Variants in RREB1 observed in about 807,000 individuals in gnomAD.
RREB1 encodes ras-responsive element-binding protein 1.
Under a neutral mutation model 117.8 loss-of-function variants are expected in RREB1, and 27 were observed. That is an observed-to-expected ratio of 0.23 (90% CI 0.17 to 0.32). The LOEUF (loss-of-function observed/expected upper bound fraction) is 0.32, where lower values mean the gene tolerates loss of function less well. RREB1 is among the 10% of genes least tolerant of loss of function. RREB1 has a pLI of 1.00. For missense variants in RREB1, 2,577 were observed against 2,378.2 expected (o/e 1.08, Z -1.74); for synonymous variants, 1,298 against 1,026.7 (o/e 1.26, Z -5.05).
In RREB1 at chr6:7,231,611, A is replaced by G. The variant is rs774490734; in HGVS notation, c.3512A>G (p.Asp1171Gly). 6.8e-6 allele frequency: 11 copies of G among 1,611,256 alleles called. No homozygotes were observed. In the South Asian group the frequency reaches 1.1e-4, roughly 16 times the overall value. The change falls in exon 10 of 13, where the codon GAC becomes GGC. Residue 1171 changes from aspartate to glycine, a missense_variant. By Grantham distance (94) the Asp-to-Gly change is moderately conservative. Transcript: ENST00000379938. ...CCCCGCGCCAACAGCGGCGGGGTGG[A>G]CCTGGACTCCAGCGGGGAGTTTGCC... ...SRPRANSGGVDLDSSGEFASI... is the reference protein window; with the variant it reads ...SRPRANSGGVGLDSSGEFASI...
At chr6:7,199,964 G>A (rs958267494) in intron 6 of RREB1, among the ~76,000 whole-genome samples, 7 of 152,134 alleles carry the variant, frequency 4.6e-5, no homozygotes, top group Non-Finnish European at 1.0e-4. Context: ...GAGAAAAAGG[G>A]TAGGCAAGTG....
At chr6:7,125,986 T>TC (rs1366552210) in intron 1 of RREB1, among the ~76,000 whole-genome samples, 1 of 134,926 alleles carries the variant, frequency 7.4e-6, no homozygotes, top group Non-Finnish European at 1.7e-5. Flanking sequence ...GAAGGACTGT[T>TC]TTTTGTTTGT....
At chr6:7,166,324 A>ATT (rs1201033780) in intron 1 of RREB1, among the ~76,000 whole-genome samples, 1 of 152,244 alleles carries the variant, frequency 6.6e-6, no homozygotes, top group Admixed American at 6.5e-5. Context: ...AAGAAAACCC[A>ATT]TTTGCTTGCC....
At chr6:7,192,992 A>G (rs755538726) in intron 6 of RREB1, among the ~76,000 whole-genome samples, 41 of 151,990 alleles carry the variant, frequency 2.7e-4, no homozygotes, top group Non-Finnish European at 4.3e-4. Flanking sequence ...TTTCTTTTTC[A>G]TTCATCTCAG....
intron 2 of RREB1, among the ~76,000 whole-genome samples, chr6:7,177,402 CA>C (rs1342423419): frequency 6.6e-6 from 1 of 151,578 alleles, no homozygotes; most frequent in East Asian, 1.9e-4. Context: ...CCTCCAAATC[CA>C]GACCATGTGT....
At chr6:7,186,623 T>C (rs1367532007) in intron 4 of RREB1, among the ~76,000 whole-genome samples, 1 of 152,186 alleles carries the variant, frequency 6.6e-6, no homozygotes, top group Non-Finnish European at 1.5e-5. Flanking sequence ...CCTAGAACTC[T>C]GCATGAATTA....
intron 10 of RREB1, 80 bp from the exon 11 acceptor site, chr6:7,240,358 C>G: frequency 8.2e-7 from 1 of 1,212,366 alleles, no homozygotes; most frequent in Non-Finnish European, 1.2e-6. Flanking sequence ...CCAATGATCC[C>G]AGGAGAATAA....
chr6:7,141,345 TG>T (rs1337996688), intron 1 of RREB1, among the ~76,000 whole-genome samples: 1 of 152,146 alleles, frequency 6.6e-6, no homozygotes, highest in Non-Finnish European at 1.5e-5. Flanking sequence ...GCACGGCCGC[TG>T]GGGACACAAC....
At chr6:7,246,169 G>A (rs1305713549) in intron 11 of RREB1, among the ~76,000 whole-genome samples, 3 of 152,202 alleles carry the variant, frequency 2.0e-5, no homozygotes, top group African/African-American at 7.2e-5. Context: ...GAAGCCAGGG[G>A]TTCAGGGGCA....
intron 8 of RREB1, chr6:7,218,434 G>A (rs1251612341): frequency 4.1e-5 from 5 of 122,330 alleles, no homozygotes; most frequent in Non-Finnish European, 7.8e-5. Flanking sequence ...ACTACTGTTA[G>A]TGAGCACTGG....
At chr6:7,166,039 C>T (rs1462375542) in intron 1 of RREB1, among the ~76,000 whole-genome samples, 1 of 152,198 alleles carries the variant, frequency 6.6e-6, no homozygotes, top group Admixed American at 6.5e-5. Context: ...CCCGCTGGGC[C>T]GTGGAGGGGC....
At chr6:7,209,104 C>T (rs968969559) in intron 6 of RREB1, among the ~76,000 whole-genome samples, 21 of 152,238 alleles carry the variant, frequency 1.4e-4, no homozygotes, top group Admixed American at 2.6e-4. Context: ...TCATAAATCC[C>T]AAGAACAAAA....
chr6:7,142,220 TAA>T (rs34787582), intron 1 of RREB1, among the ~76,000 whole-genome samples: 166 of 140,984 alleles, frequency 1.2e-3, no homozygotes, highest in African/African-American at 3.8e-3. Context: ...CGTCTTAATT[TAA>T]AAAAAAAAAA....
At chr6:7,211,899 C>T (rs1766631650) in intron 8 of RREB1, 190 bp downstream of exon 8, 1 of 612,794 alleles carries the variant, frequency 1.6e-6, no homozygotes, top group Non-Finnish European at 2.9e-6. Flanking sequence ...TGGCTGTATC[C>T]ACAGGGTGTT....
At chr6:7,132,573 C>T (rs903043611) in intron 1 of RREB1, among the ~76,000 whole-genome samples, 5 of 152,226 alleles carry the variant, frequency 3.3e-5, no homozygotes, top group Admixed American at 1.3e-4. Context: ...GGAATGAATG[C>T]GGTAGGGGTT....
chr6:7,115,339 G>T (rs1322889111), intron 1 of RREB1, among the ~76,000 whole-genome samples: 2 of 152,102 alleles, frequency 1.3e-5, no homozygotes, highest in East Asian at 3.9e-4. Flanking sequence ...TAACTGATCT[G>T]ACCCTTGGCC....
At position 7,247,094 on chromosome 6, in the gene RREB1, GA is replaced by G; in HGVS notation, c.4647del (p.Lys1549AsnfsTer34). The G allele has an allele frequency of 6.2e-7, 1 of 1,613,852 alleles. No individual in the cohort carries two copies. Among genetic ancestry groups the G allele is most frequent in the Non-Finnish European group, 8.5e-7 (1 of 1,179,978 alleles). On this transcript the variant is annotated frameshift_variant, in exon 12 of 13. Coordinates refer to ENST00000379938, the MANE Select transcript of RREB1 (RefSeq NM_001003699.4). LOFTEE classifies it high-confidence loss of function. ...RSSEKSDDDKKPKTDSPKSVA... is the reference protein window; with the variant it reads ...RSSEKSDDDKXPKTDSPKSVA... ...CCTCAGAGAAGAGCGACGATGACAA[GA>G]AACCAAAGACAGACTCCCCCAAAAG...
At chr6:7,147,632 T>G (rs1328274038) in intron 1 of RREB1, among the ~76,000 whole-genome samples, 1 of 152,176 alleles carries the variant, frequency 6.6e-6, no homozygotes, top group African/African-American at 2.4e-5. Flanking sequence ...GATAAGCCCC[T>G]CTCTGTCTGC....
At chr6:7,140,342 T>G (rs1449629857) in intron 1 of RREB1, among the ~76,000 whole-genome samples, 1 of 152,244 alleles carries the variant, frequency 6.6e-6, no homozygotes, top group Non-Finnish European at 1.5e-5. Context: ...ATCGTGGTGA[T>G]TCTTAAGACT....
Sources: gnomAD v4.1 joint callset for allele counts (sites outside exome capture counted in the v4.1 genomes callset) on GRCh38, gnomAD v4.1.1 for gene constraint, MANE v1.5 for transcripts, NCBI Gene and HGNC (gene_info 2026-07-23, HGNC 2026-07-21) for gene names.